The following KCNU1 variants were observed in gnomAD, a reference collection of about 807,000 sequenced individuals.
KCNU1 encodes the protein potassium channel subfamily U member 1.
KCNU1 carries 93 observed loss-of-function variants against 126.8 expected under a neutral mutation model. The ratio of observed to expected loss-of-function variants is 0.73; its 90% CI spans 0.62 to 0.87. The LOEUF is 0.87. KCNU1 is among the 40% of genes least tolerant of loss of function. KCNU1 has a pLI of 0.00. For synonymous variants in KCNU1, 523 were observed against 494.2 expected (o/e 1.06, Z -0.77); for missense variants, 1,330 against 1,367.1 (o/e 0.97, Z 0.43).
In KCNU1 at chr8:36,784,380, C is replaced by T. The variant is rs1563252951; in HGVS notation, c.-31C>T. ...AGGCGACCACGGCGTCATCAAATGA[C>T]CTGGCAATTCCGTCTACTGATGTCT... On this transcript the variant is annotated 5_prime_UTR_variant, in exon 1 of 27. Transcript: ENST00000399881. 6.4e-7 allele frequency: 1 copy of T among 1,567,388 alleles called. No homozygotes were observed. Among genetic ancestry groups the T allele is most frequent in the Non-Finnish European group, 8.7e-7 (1 of 1,148,238 alleles).
intron 25 of KCNU1, 53 bp from the exon 26 acceptor site, chr8:36,932,866 TA>T: frequency 9.9e-7 from 1 of 1,012,162 alleles, no homozygotes. Flanking sequence ...TGAGTGCTTA[TA>T]ATTGCTTGAT....
At chr8:36,892,986 G>A (rs1265503900) in intron 19 of KCNU1, among the ~76,000 whole-genome samples, 3 of 152,056 alleles carry the variant, frequency 2.0e-5, no homozygotes, top group African/African-American at 4.8e-5. Context: ...ATTTGAGACA[G>A]AGTCTTGCTT....
At chr8:36,839,187 G>T (rs983842486) in intron 14 of KCNU1, among the ~76,000 whole-genome samples, 3 of 152,152 alleles carry the variant, frequency 2.0e-5, no homozygotes, top group Non-Finnish European at 4.4e-5. Context: ...GTAGCTCGAA[G>T]AACATTTCCA....
At chr8:36,836,726 C>A in intron 13 of KCNU1, 67 bp from the exon 14 acceptor site, 1 of 1,336,100 alleles carries the variant, frequency 7.5e-7, no homozygotes, top group Non-Finnish European at 1.1e-6. Flanking sequence ...GAAAGACATC[C>A]ATCCTCAAGA....
At chr8:36,821,707 T>A (rs1021207721) in intron 10 of KCNU1, among the ~76,000 whole-genome samples, 1 of 152,214 alleles carries the variant, frequency 6.6e-6, no homozygotes, top group Non-Finnish European at 1.5e-5. Flanking sequence ...TGGTTTATGA[T>A]GCTTTGACTT....
intron 22 of KCNU1, among the ~76,000 whole-genome samples, chr8:36,918,380 A>G (rs1303146205): frequency 6.6e-6 from 1 of 151,900 alleles, no homozygotes; most frequent in Admixed American, 6.6e-5. Context: ...CATCTCTGCA[A>G]AGATAAAAAT....
intron 10 of KCNU1, among the ~76,000 whole-genome samples, chr8:36,818,407 T>C (rs1803999254): frequency 6.6e-6 from 1 of 152,238 alleles, no homozygotes; most frequent in Non-Finnish European, 1.5e-5. Context: ...TGTTGCTTTA[T>C]TGACTTTTCT....
At chr8:36,905,627 C>T in intron 19 of KCNU1, 81 bp from the exon 20 acceptor site, 3 of 798,836 alleles carry the variant, frequency 3.8e-6, no homozygotes, top group African/African-American at 1.7e-5. Context: ...GAGCTCAAGG[C>T]TCTAATGAGT....
chr8:36,787,303 T>C lies in KCNU1; in HGVS notation c.196-3T>C. 6.2e-7 allele frequency: 1 copy of C among 1,606,000 alleles called. No homozygotes were observed. Among genetic ancestry groups the C allele is most frequent in the Non-Finnish European group, 8.5e-7 (1 of 1,175,838 alleles). On this transcript the variant is annotated splice_polypyrimidine_tract_variant and splice_region_variant and intron_variant, in intron 1 of 26. Transcript: ENST00000399881. ...ATTGTCAATTTCTTTCTCTTGATTG[T>C]AGGAACTGTTCACATCAGGTACCAT...
chr8:36,872,090 G>A (rs1042558774), intron 19 of KCNU1, among the ~76,000 whole-genome samples: 25 of 152,256 alleles, frequency 1.6e-4, no homozygotes, highest in African/African-American at 6.0e-4. Flanking sequence ...TGCCCTCTGA[G>A]TAACACCTTA....
At chr8:36,930,637 A>T (rs1428234279) in intron 24 of KCNU1, among the ~76,000 whole-genome samples, 2 of 151,998 alleles carry the variant, frequency 1.3e-5, no homozygotes, top group African/African-American at 2.4e-5. Context: ...TGACATGTAT[A>T]CCCCCTCTGG....
chr8:36,913,498 C>T (rs551146105), intron 22 of KCNU1, among the ~76,000 whole-genome samples: 1 of 152,088 alleles, frequency 6.6e-6, no homozygotes, highest in South Asian at 2.1e-4. Context: ...GGATCATACC[C>T]ATTTGTGTGA....
chr8:36,822,758 A>T (rs898088100), intron 10 of KCNU1, among the ~76,000 whole-genome samples: 1 of 152,188 alleles, frequency 6.6e-6, no homozygotes, highest in Non-Finnish European at 1.5e-5. Context: ...CAAAAGCCAG[A>T]TAACTAGGCT....
rs758189506 is a variant in KCNU1, at chr8:36,935,629, A to G, written c.3159A>G (p.Gln1053=). The G allele has an allele frequency of 6.2e-7, 1 of 1,613,358 alleles. No individual in the cohort carries two copies. The highest frequency in any genetic ancestry group is 1.3e-5 in the African/African-American group (1 of 74,872). The change falls in exon 27 of 27, where the codon CAA becomes CAG. Residue 1053 remains glutamine, a synonymous_variant. Transcript: ENST00000399881. The part of the protein sequence containing the change: ...CYKRNEEFSL[Q]KSYEIVNKAS... Reference sequence around the variant, plus strand: ...AAAGGAATGAAGAGTTCTCATTGCAAAAGTCATATGAAATTGTAAATAAAG... The same window carrying G: ...AAAGGAATGAAGAGTTCTCATTGCAGAAGTCATATGAAATTGTAAATAAAG...
intron 10 of KCNU1, among the ~76,000 whole-genome samples, chr8:36,831,104 C>T (rs1804529500): frequency 1.3e-5 from 2 of 152,080 alleles, no homozygotes; most frequent in African/African-American, 2.4e-5. Context: ...TTTTTTATGG[C>T]TGCATGGTAT....
chr8:36,823,456 G>A (rs547319224), intron 10 of KCNU1, among the ~76,000 whole-genome samples: 20 of 151,934 alleles, frequency 1.3e-4, no homozygotes, highest in Non-Finnish European at 1.9e-4. Context: ...CTATTGTTTC[G>A]GTATTATGAT....
At chr8:36,834,971 T>C in intron 12 of KCNU1, 103 bp downstream of exon 12, 1 of 731,732 alleles carries the variant, frequency 1.4e-6, no homozygotes, top group Admixed American at 2.4e-5. Flanking sequence ...TCGTCTATCA[T>C]ATCACTAGGT....
chr8:36,826,533 C>G (rs1315929226), intron 10 of KCNU1, among the ~76,000 whole-genome samples: 1 of 152,014 alleles, frequency 6.6e-6, no homozygotes, highest in African/African-American at 2.4e-5. Flanking sequence ...TTCTTACCCT[C>G]TCTTTTGAAC....
At chr8:36,889,298 T>G (rs992392798) in intron 19 of KCNU1, 13 of 524,806 alleles carry the variant, frequency 2.5e-5, no homozygotes, top group Non-Finnish European at 3.9e-5. Flanking sequence ...GTTTAGAAAT[T>G]AAAAGATGTT....
Sources: gnomAD v4.1 joint callset for allele counts (sites outside exome capture counted in the v4.1 genomes callset) on GRCh38, gnomAD v4.1.1 for gene constraint, MANE v1.5 for transcripts, NCBI Gene and HGNC (gene_info 2026-07-23, HGNC 2026-07-21) for gene names.